CERT1: variants seen among roughly 807,000 people sequenced by gnomAD.
CERT1 encodes ceramide transporter 1.
In CERT1, 31 loss-of-function variants were observed where a neutral mutation model predicts 87.9. The ratio of observed to expected loss-of-function variants is 0.35; its 90% CI spans 0.27 to 0.48. The LOEUF is 0.48. Among genes scored for constraint, CERT1 ranks in the 20% least tolerant of loss-of-function variants. The probability of loss-of-function intolerance (pLI) is 0.99; values close to 1 mark genes in which losing one functional copy is unlikely to be tolerated. For missense variants in CERT1, 487 were observed against 758.0 expected, an observed-to-expected ratio of 0.64 and a Z score of 4.20; for synonymous variants, 289 against 250.9, an observed-to-expected ratio of 1.15 and a Z score of -1.44.
At chr5:75,416,804 T>G in intron 7 of CERT1, 72 bp downstream of exon 7, 1 of 1,321,174 alleles carries the variant, frequency 7.6e-7, no homozygotes, top group Middle Eastern at 1.9e-4. Context: ...GAAGTTAGCT[T>G]GTTTTAAATA....
intron 2 of CERT1, among the ~76,000 whole-genome samples, chr5:75,493,067 T>C (rs764183964): frequency 1.3e-5 from 2 of 152,218 alleles, no homozygotes; most frequent in Non-Finnish European, 2.9e-5. Context: ...ATTTTCCTCT[T>C]ATTTAATTCT....
intron 3 of CERT1, among the ~76,000 whole-genome samples, chr5:75,434,019 A>G (rs1175677479): frequency 6.6e-6 from 1 of 152,076 alleles, no homozygotes; most frequent in East Asian, 1.9e-4. Context: ...AAGAGCTTCC[A>G]GCATTATGTT....
intron 2 of CERT1, among the ~76,000 whole-genome samples, chr5:75,460,158 C>CT: frequency 6.6e-6 from 1 of 151,980 alleles, no homozygotes; most frequent in East Asian, 1.9e-4. Flanking sequence ...ACATTTACTA[C>CT]TTTTTTCTTA....
intron 2 of CERT1, among the ~76,000 whole-genome samples, chr5:75,469,416 C>T (rs1277654155): frequency 6.6e-6 from 1 of 152,044 alleles, no homozygotes; most frequent in Non-Finnish European, 1.5e-5. Flanking sequence ...GAACAGAAAA[C>T]TTTGCAAACC....
chr5:75,506,756 A>G (rs1392709211), intron 1 of CERT1, among the ~76,000 whole-genome samples: 2 of 152,196 alleles, frequency 1.3e-5, no homozygotes, highest in Non-Finnish European at 2.9e-5. Flanking sequence ...AGTTCCTCTG[A>G]ACATGCATTT....
chr5:75,470,282 T>C (rs1029684440), intron 2 of CERT1, among the ~76,000 whole-genome samples: 5 of 152,196 alleles, frequency 3.3e-5, no homozygotes, highest in African/African-American at 9.6e-5. Context: ...TTCCTCACAA[T>C]AGATATGTTA....
intron 3 of CERT1, among the ~76,000 whole-genome samples, chr5:75,449,644 C>T (rs887016390): frequency 2.6e-5 from 4 of 151,898 alleles, no homozygotes; most frequent in Non-Finnish European, 5.9e-5. Flanking sequence ...CAATTTATAA[C>T]TTACATCAGC....
At chr5:75,455,014 T>G (rs1203510972) in intron 3 of CERT1, among the ~76,000 whole-genome samples, 2 of 152,162 alleles carry the variant, frequency 1.3e-5, no homozygotes, top group South Asian at 2.1e-4. Context: ...CAAAAAAAGG[T>G]CATGGTCACT....
At position 75,403,227 on chromosome 5, in the gene CERT1, C is replaced by A. The variant is rs187302010; in HGVS notation, c.931-169G>T. 2.0e-4 allele frequency among the ~76,000 whole-genome samples: 31 copies of A among 152,076 alleles called. No homozygotes were observed. The East Asian group carries it at 4.4e-3, about 22-fold the overall frequency. ...CATATGCATGCTCTGTGTAAAATCA[C>A]GAGTGTTACAATTAATTCACTCAGT... On this transcript the variant is annotated intron_variant, in intron 8 of 16. Coordinates refer to ENST00000643780, the MANE Select transcript of CERT1 (RefSeq NM_001379029.1).
chr5:75,425,226 ATC>A (rs1460075995), intron 5 of CERT1, 133 bp downstream of exon 5: 2 of 736,786 alleles, frequency 2.7e-6, no homozygotes, highest in Non-Finnish European at 4.4e-6. Flanking sequence ...GGACACTGAA[ATC>A]TGTTTCACTG....
At chr5:75,476,114 C>T (rs935571649) in intron 2 of CERT1, among the ~76,000 whole-genome samples, 1 of 152,088 alleles carries the variant, frequency 6.6e-6, no homozygotes. Context: ...TCTATCAATT[C>T]ATAGGGATTA....
chr5:75,490,500 T>G (rs888062662), intron 2 of CERT1, among the ~76,000 whole-genome samples: 1 of 149,488 alleles, frequency 6.7e-6, no homozygotes, highest in Admixed American at 6.6e-5. Flanking sequence ...GAAATTTTTA[T>G]TTATTTATTT....
At chr5:75,505,873 C>T in intron 2 of CERT1, 109 bp downstream of exon 2, 1 of 790,390 alleles carries the variant, frequency 1.3e-6, no homozygotes, top group Non-Finnish European at 2.0e-6. Context: ...TCTACAAGGA[C>T]AAGGATCTTT....
At chr5:75,418,820 A>C (rs1763250458) in intron 6 of CERT1, among the ~76,000 whole-genome samples, 1 of 152,184 alleles carries the variant, frequency 6.6e-6, no homozygotes, top group Non-Finnish European at 1.5e-5. Flanking sequence ...GCTATTCAGG[A>C]ATGGGGGAGA....
intron 9 of CERT1, chr5:75,401,140 A>G (rs1019286480): frequency 2.0e-5 from 3 of 152,218 alleles, no homozygotes; most frequent in African/African-American, 7.2e-5. Context: ...TATCTCTGTC[A>G]TATCAACATG....
At chr5:75,469,694 A>G (rs561275045) in intron 2 of CERT1, among the ~76,000 whole-genome samples, 19 of 152,130 alleles carry the variant, frequency 1.2e-4, no homozygotes, top group Non-Finnish European at 1.6e-4. Flanking sequence ...AACAATTAGG[A>G]AACAAGTGGC....
At chr5:75,454,640 G>A (rs1764897680) in intron 3 of CERT1, among the ~76,000 whole-genome samples, 1 of 152,154 alleles carries the variant, frequency 6.6e-6, no homozygotes, top group African/African-American at 2.4e-5. Flanking sequence ...AAGAGTAGTG[G>A]CTGGCCATCT....
In CERT1 at chr5:75,399,291, C is replaced by G; in HGVS notation, c.1188+19G>C. ...TAGCACAGAAAGACTCAAGTCCACTCTATACATTCATACAGTACCTGGGAG... is the reference window on the plus strand; with the variant it reads ...TAGCACAGAAAGACTCAAGTCCACTGTATACATTCATACAGTACCTGGGAG... On this transcript the variant is annotated intron_variant, in intron 11 of 16. Coordinates refer to ENST00000643780, the MANE Select transcript of CERT1 (RefSeq NM_001379029.1). The G allele has an allele frequency of 6.4e-7, 1 of 1,560,590 alleles. No homozygotes were observed. The highest frequency in any genetic ancestry group is 8.8e-7 in the Non-Finnish European group (1 of 1,131,552).
intron 8 of CERT1, among the ~76,000 whole-genome samples, chr5:75,405,670 GGTT>G (rs1416001686): frequency 6.6e-6 from 1 of 151,808 alleles, no homozygotes; most frequent in Non-Finnish European, 1.5e-5. Context: ...TGATTTATGT[GGTT>G]TATATACAAT....
Sources: gnomAD v4.1 joint callset for allele counts (sites outside exome capture counted in the v4.1 genomes callset) on GRCh38, gnomAD v4.1.1 for gene constraint, MANE v1.5 for transcripts, NCBI Gene and HGNC (gene_info 2026-07-23, HGNC 2026-07-21) for gene names.